ATP2B1: variants seen among roughly 807,000 people sequenced by gnomAD.
ATP2B1 encodes ATPase plasma membrane Ca2+ transporting 1, also known as plasma membrane calcium-transporting ATPase 1.
A neutral mutation model predicts 124.2 loss-of-function variants in ATP2B1; 14 were observed. The observed-to-expected ratio is 0.11, with a 90% CI of 0.07 to 0.18. ATP2B1 has a LOEUF of 0.18. Among genes scored for constraint, ATP2B1 ranks in the 10% least tolerant of loss-of-function variants. The pLI is 1.00. For synonymous variants in ATP2B1, 449 were observed against 492.4 expected (o/e 0.91, Z 1.17); for missense variants, 763 against 1,466.1 (o/e 0.52, Z 7.83).
At chr12:89,627,045 T>C (rs1017381851) in intron 7 of ATP2B1, among the ~76,000 whole-genome samples, 5 of 152,276 alleles carry the variant, frequency 3.3e-5, no homozygotes, top group Admixed American at 3.3e-4. Context: ...ATATATTTTG[T>C]TTCTTATGCA....
intron 1 of ATP2B1, among the ~76,000 whole-genome samples, chr12:89,686,013 G>A (rs1329803918): frequency 1.3e-5 from 2 of 152,090 alleles, no homozygotes; most frequent in Admixed American, 6.6e-5. Context: ...TGTTGTTTAA[G>A]CCACCTTGTC....
At chr12:89,683,669 G>A (rs761738709) in intron 1 of ATP2B1, among the ~76,000 whole-genome samples, 1 of 152,090 alleles carries the variant, frequency 6.6e-6, no homozygotes, top group Non-Finnish European at 1.5e-5. Context: ...AAGTCACCCC[G>A]ATGTCCCCAA....
intron 3 of ATP2B1, among the ~76,000 whole-genome samples, chr12:89,638,543 G>A (rs1037147625): frequency 6.6e-6 from 1 of 152,158 alleles, no homozygotes; most frequent in African/African-American, 2.4e-5. Flanking sequence ...AAGCAGACAG[G>A]AGAACCGAGC....
At position 89,633,738 on chromosome 12, in the gene ATP2B1, A is replaced by G. The variant is rs150211615; in HGVS notation, c.787+1040T>C. Among the ~76,000 whole-genome samples the G allele has an allele frequency of 7.2e-4, 110 of 152,158 alleles. 2 individuals carry two copies. The East Asian group carries it at 0.02, about 28-fold the overall frequency. ...GACCCTTGTGGATATCACAGGTTTG[A>G]CTCTGGTTTCAGCAGCAATCATCTG... On this transcript the variant is annotated intron_variant, in intron 5 of 20. Coordinates refer to ENST00000428670, the MANE Select transcript of ATP2B1 (RefSeq NM_001366521.1).
intron 5 of ATP2B1, among the ~76,000 whole-genome samples, chr12:89,631,005 C>G (rs1468984871): frequency 6.6e-5 from 10 of 151,932 alleles, no homozygotes; most frequent in African/African-American, 2.4e-4. Context: ...CTCCTGGGCT[C>G]AAGCAATCCT....
intron 1 of ATP2B1, among the ~76,000 whole-genome samples, chr12:89,666,652 T>G (rs1430933599): frequency 2.0e-5 from 3 of 152,192 alleles, no homozygotes; most frequent in South Asian, 2.1e-4. Flanking sequence ...TACCCCTGAA[T>G]AGACATACCA....
At chr12:89,598,031 C>A (rs2135902124) in intron 20 of ATP2B1, among the ~76,000 whole-genome samples, 2 of 69,302 alleles carry the variant, frequency 2.9e-5, no homozygotes, top group African/African-American at 6.3e-5. Flanking sequence ...AACCACTGCA[C>A]AACCAAGCAA....
chr12:89,615,432 G>C (rs1024518074), intron 12 of ATP2B1, among the ~76,000 whole-genome samples: 2 of 151,950 alleles, frequency 1.3e-5, no homozygotes, highest in African/African-American at 4.8e-5. Flanking sequence ...TTTTTCACTT[G>C]ACATGGTGTC....
In ATP2B1 at chr12:89,590,542, C is replaced by G. The variant is rs1873369837; in HGVS notation, c.*442G>C. On this transcript the variant is annotated 3_prime_UTR_variant, in exon 21 of 21. Transcript: ENST00000428670. ...GTATCTACAAACCTTGTAAACAGAT[C>G]TGTATCATTTATAAACATAAATAAT... 1 of 156,292 alleles carries G rather than the reference C, an allele frequency of 6.4e-6. No homozygotes were observed. Among genetic ancestry groups the G allele is most frequent in the Non-Finnish European group, 1.4e-5 (1 of 70,244 alleles). The allele number at this position is 156,292 out of a possible 1,614,324, so 9.7% of individuals were successfully genotyped here. A position where few individuals can be genotyped will look rare whatever the true frequency, so the allele number is the denominator to read the frequency against.
chr12:89,696,186 G>T (rs1009515471), intron 1 of ATP2B1, among the ~76,000 whole-genome samples: 1 of 152,186 alleles, frequency 6.6e-6, no homozygotes, highest in Non-Finnish European at 1.5e-5. Context: ...GAAAAGTAAA[G>T]CAGAGACCTG....
intron 8 of ATP2B1, among the ~76,000 whole-genome samples, chr12:89,625,854 G>A (rs557251188): frequency 7.2e-5 from 11 of 152,124 alleles, no homozygotes; most frequent in Non-Finnish European, 1.6e-4. Flanking sequence ...GTAAAATGAT[G>A]CAATTTAAGC....
At chr12:89,700,766 T>C (rs1593018809) in intron 1 of ATP2B1, among the ~76,000 whole-genome samples, 1 of 152,194 alleles carries the variant, frequency 6.6e-6, no homozygotes, top group African/African-American at 2.4e-5. Context: ...CAACGTCAAT[T>C]AAAGCAGGAG....
At chr12:89,694,225 A>G (rs1490559415) in intron 1 of ATP2B1, among the ~76,000 whole-genome samples, 10 of 152,220 alleles carry the variant, frequency 6.6e-5, no homozygotes, top group Non-Finnish European at 1.2e-4. Flanking sequence ...TAGATATAAA[A>G]AAGTTATATT....
chr12:89,647,325 C>T (rs533079255), intron 2 of ATP2B1, among the ~76,000 whole-genome samples: 3 of 152,110 alleles, frequency 2.0e-5, no homozygotes, highest in Non-Finnish European at 2.9e-5. Flanking sequence ...CTGACTCCAT[C>T]ATTGTTTGGA....
intron 3 of ATP2B1, among the ~76,000 whole-genome samples, chr12:89,640,693 G>GT (rs1883369538): frequency 6.6e-6 from 1 of 152,122 alleles, no homozygotes; most frequent in African/African-American, 2.4e-5. Context: ...AAGGGGAGGT[G>GT]TTTGGATCAT....
rs573395526 is a variant in ATP2B1, at chr12:89,611,423, A to G, written c.2068-51T>C. The G allele has an allele frequency of 1.4e-4, 205 of 1,435,740 alleles. 1 individual carries two copies. The South Asian group carries it at 2.2e-3, about 15-fold the overall frequency. The allele number at this position is 1,435,740 out of a possible 1,614,324, so 88.9% of individuals were successfully genotyped here. ...ACAAAGTTAATTTGGTATTTTTAGA[A>G]GGAAAAATATTTCACTGCACACGAC... On this transcript the variant is annotated intron_variant, in intron 12 of 20. Coordinates refer to ENST00000428670, the MANE Select transcript of ATP2B1 (RefSeq NM_001366521.1).
chr12:89,675,175 T>C (rs369411087), intron 1 of ATP2B1, among the ~76,000 whole-genome samples: 1 of 152,180 alleles, frequency 6.6e-6, no homozygotes, highest in South Asian at 2.1e-4. Context: ...AAAGGCATCA[T>C]ATTACACTAA....
At chr12:89,652,177 C>T (rs1171814780) in intron 2 of ATP2B1, among the ~76,000 whole-genome samples, 2 of 152,168 alleles carry the variant, frequency 1.3e-5, no homozygotes, top group African/African-American at 2.4e-5. Context: ...TTATTCATGG[C>T]TGTATACCCA....
At chr12:89,633,437 T>A (rs901576663) in intron 5 of ATP2B1, among the ~76,000 whole-genome samples, 2 of 151,870 alleles carry the variant, frequency 1.3e-5, no homozygotes, top group Admixed American at 6.6e-5. Flanking sequence ...TATCTCCTAA[T>A]GTTCTAAGTG....
Sources: gnomAD v4.1 joint callset for allele counts (sites outside exome capture counted in the v4.1 genomes callset) on GRCh38, gnomAD v4.1.1 for gene constraint, MANE v1.5 for transcripts, NCBI Gene and HGNC (gene_info 2026-07-23, HGNC 2026-07-21) for gene names.